TAFA5: variants seen among roughly 807,000 people sequenced by gnomAD.
TAFA5 encodes TAFA chemokine like family member 5, also known as chemokine-like protein TAFA-5.
Under a neutral mutation model 15.3 loss-of-function variants are expected in TAFA5, and 6 were observed. The ratio of observed to expected loss-of-function variants is 0.39; its 90% CI spans 0.21 to 0.77. The LOEUF is 0.77. Among genes scored for constraint, TAFA5 ranks in the 30% least tolerant of loss-of-function variants. TAFA5 has a pLI of 0.41. For synonymous variants in TAFA5, 103 were observed against 80.7 expected (o/e 1.28, Z -1.48); for missense variants, 161 against 193.1 (o/e 0.83, Z 0.98).
At chr22:48,593,508 G>T (rs574423826) in intron 1 of TAFA5, among the ~76,000 whole-genome samples, 2 of 152,160 alleles carry the variant, frequency 1.3e-5, no homozygotes, top group African/African-American at 4.8e-5. Flanking sequence ...GACTGATGGG[G>T]GTGGCTGGGG....
chr22:48,605,088 A>G (rs1005299851), intron 1 of TAFA5, among the ~76,000 whole-genome samples: 22 of 149,474 alleles, frequency 1.5e-4, no homozygotes, highest in Admixed American at 6.0e-4. Flanking sequence ...AGTGATGGTG[A>G]TGATGCTGCT....
chr22:48,523,914 G>A (rs2071781), intron 1 of TAFA5, among the ~76,000 whole-genome samples: 62,024 of 152,016 alleles, frequency 0.41, 13,145 homozygotes, highest in Non-Finnish European at 0.46. Context: ...ACCACAGGCC[G>A]CCCAGGCGAG....
At chr22:48,717,234 G>A (rs1354012899) in intron 3 of TAFA5, among the ~76,000 whole-genome samples, 3 of 152,208 alleles carry the variant, frequency 2.0e-5, no homozygotes, top group East Asian at 3.9e-4. Flanking sequence ...GCCGAAGCCG[G>A]GAAACAGTGT....
chr22:48,697,555 ATGG>A (rs886494966), intron 2 of TAFA5, among the ~76,000 whole-genome samples: 3 of 151,782 alleles, frequency 2.0e-5, no homozygotes, highest in Admixed American at 6.6e-5. Context: ...CATGGTGGTG[ATGG>A]TGGTGGTAGT....
intron 3 of TAFA5, among the ~76,000 whole-genome samples, chr22:48,720,604 C>T (rs747638717): frequency 1.6e-4 from 24 of 152,240 alleles, no homozygotes; most frequent in Non-Finnish European, 2.8e-4. Context: ...GACCATCCTC[C>T]GGCTATGCAG....
rs1297649630 is a variant in TAFA5, at chr22:48,699,108, T to G, written c.263-8609T>G. 2.6e-5 allele frequency among the ~76,000 whole-genome samples: 4 copies of G among 152,144 alleles called. No homozygotes were observed. The East Asian group carries it at 7.8e-4, about 29-fold the overall frequency. On this transcript the variant is annotated intron_variant, in intron 2 of 3. Coordinates refer to ENST00000402357, the MANE Select transcript of TAFA5 (RefSeq NM_001082967.3). ...CCACCATGCCCAGCTAATTTTTGTA[T>G]TTTTAGTAGAGACGGGGTTTCACCA...
At chr22:48,580,055 G>C (rs957699290) in intron 1 of TAFA5, among the ~76,000 whole-genome samples, 1 of 152,236 alleles carries the variant, frequency 6.6e-6, no homozygotes, top group African/African-American at 2.4e-5. Context: ...TTTGCGTCCA[G>C]CGGCCGCGGC....
At chr22:48,698,284 T>G (rs1051509188) in intron 2 of TAFA5, among the ~76,000 whole-genome samples, 2 of 151,972 alleles carry the variant, frequency 1.3e-5, no homozygotes, top group Admixed American at 1.3e-4. Flanking sequence ...GAGACCAGCC[T>G]GGCCAACATG....
Position 48,646,784 on chromosome 22 carries a change from A to G in TAFA5, c.262+38A>G, listed in dbSNP as rs570652830. ...GGCCCCAGGACCCCTCCGGGTGCTG[A>G]GCGCGGCGTCACCAAAGGTGCCTCT... On this transcript the variant is annotated intron_variant, in intron 2 of 3. Transcript: ENST00000402357. The G allele has an allele frequency of 1.9e-5, 29 of 1,531,894 alleles. 1 individual carries two copies. The South Asian group carries it at 3.3e-4, about 18-fold the overall frequency. 94.9% of individuals were successfully genotyped at this position (1,531,894 alleles called of 1,614,324 possible).
At chr22:48,559,110 C>T (rs1318731847) in intron 1 of TAFA5, among the ~76,000 whole-genome samples, 1 of 152,124 alleles carries the variant, frequency 6.6e-6, no homozygotes, top group Non-Finnish European at 1.5e-5. Flanking sequence ...GCCGAGGGGC[C>T]CAAGGAGGGA....
At chr22:48,553,733 G>A (rs1922936604) in intron 1 of TAFA5, among the ~76,000 whole-genome samples, 1 of 152,226 alleles carries the variant, frequency 6.6e-6, no homozygotes, top group Non-Finnish European at 1.5e-5. Flanking sequence ...GGCTGGTGGT[G>A]CCCTCCCTGT....
intron 2 of TAFA5, among the ~76,000 whole-genome samples, chr22:48,665,609 C>G (rs1258488513): frequency 3.9e-5 from 6 of 152,052 alleles, no homozygotes; most frequent in African/African-American, 1.5e-4. Context: ...ACATGGAGAC[C>G]CGACAGATCC....
At chr22:48,525,565 C>G (rs552479623) in intron 1 of TAFA5, among the ~76,000 whole-genome samples, 1 of 152,320 alleles carries the variant, frequency 6.6e-6, no homozygotes, top group Non-Finnish European at 1.5e-5. Flanking sequence ...CCCAGGTCCA[C>G]CCTCTGCCTC....
intron 1 of TAFA5, among the ~76,000 whole-genome samples, chr22:48,524,164 G>A (rs548912319): frequency 2.6e-5 from 4 of 152,322 alleles, no homozygotes; most frequent in Non-Finnish European, 4.4e-5. Context: ...TCCTTTGTGC[G>A]GCTGGCAGCC....
intron 2 of TAFA5, among the ~76,000 whole-genome samples, chr22:48,688,785 G>A (rs1227784854): frequency 6.6e-6 from 1 of 152,170 alleles, no homozygotes; most frequent in African/African-American, 2.4e-5. Flanking sequence ...GAGGTCAGGA[G>A]TTCGAGATCA....
At position 48,673,861 on chromosome 22, in the gene TAFA5, CT is replaced by C. The variant is rs1927879336; in HGVS notation, c.262+27116del. On this transcript the variant is annotated intron_variant, in intron 2 of 3. Transcript: ENST00000402357. Reference sequence around the variant, plus strand: ...CACAGGTTCTTTACAGGCCCTTCCCCTAACTCTGCCTGGGAAATGCATCATA... The same window carrying C: ...CACAGGTTCTTTACAGGCCCTTCCCCAACTCTGCCTGGGAAATGCATCATA... 2.6e-5 allele frequency among the ~76,000 whole-genome samples: 4 copies of C among 152,260 alleles called. No individual in the cohort carries two copies. In the South Asian group the frequency reaches 8.3e-4, roughly 32 times the overall value.
At chr22:48,494,931 G>T (rs568195094) in intron 1 of TAFA5, among the ~76,000 whole-genome samples, 50 of 152,354 alleles carry the variant, frequency 3.3e-4, no homozygotes, top group Non-Finnish European at 5.7e-4. Context: ...CAGGAATCGG[G>T]TGTGGAATTA....
chr22:48,611,002 C>T lies in TAFA5; in HGVS notation c.113-35595C>T, dbSNP rs1269740840. The stretch of plus-strand genomic sequence containing the variant: ...CAGCTGGAGCACAGTGGTGCAGTCT[C>T]GGCTCGCTGCAACCTCCACCTCCTG... On this transcript the variant is annotated intron_variant, in intron 1 of 3. Transcript: ENST00000402357. Among the ~76,000 whole-genome samples, 3 of 151,226 alleles carry T rather than the reference C, an allele frequency of 2.0e-5. No individual in the cohort carries two copies. In the East Asian group the frequency reaches 5.8e-4, roughly 29 times the overall value.
At chr22:48,696,805 C>T (rs761450840) in intron 2 of TAFA5, among the ~76,000 whole-genome samples, 41 of 152,224 alleles carry the variant, frequency 2.7e-4, no homozygotes, top group Middle Eastern at 3.2e-3. Context: ...ACATGAGACG[C>T]AGGTTGTGTG....
Sources: gnomAD v4.1 joint callset for allele counts (sites outside exome capture counted in the v4.1 genomes callset) on GRCh38, gnomAD v4.1.1 for gene constraint, MANE v1.5 for transcripts, NCBI Gene and HGNC (gene_info 2026-07-23, HGNC 2026-07-21) for gene names.